PDE4B: variants seen among roughly 807,000 people sequenced by gnomAD.
PDE4B encodes phosphodiesterase 4B.
PDE4B carries 20 observed loss-of-function variants against 82.2 expected under a neutral mutation model. The ratio of observed to expected loss-of-function variants is 0.24; its 90% confidence interval spans 0.17 to 0.35. The LOEUF is 0.35. Among genes scored for constraint, PDE4B ranks in the 10% least tolerant of loss-of-function variants. PDE4B has a pLI of 1.00. For synonymous variants in PDE4B, 320 were observed against 318.9 expected (o/e 1.00, Z -0.04); for missense variants, 655 against 907.2 (o/e 0.72, Z 3.57).
intron 3 of PDE4B, among the ~76,000 whole-genome samples, chr1:66,111,796 A>G (rs2101053205): frequency 6.6e-6 from 1 of 152,160 alleles, no homozygotes; most frequent in South Asian, 2.1e-4. Flanking sequence ...GTTGATTAGG[A>G]GTCATACTTC....
At chr1:65,875,274 T>C (rs1225893216) in intron 1 of PDE4B, among the ~76,000 whole-genome samples, 6 of 150,142 alleles carry the variant, frequency 4.0e-5, no homozygotes, top group Non-Finnish European at 7.5e-5. Flanking sequence ...CCAGTTAGAA[T>C]GGCAATCATT....
intron 3 of PDE4B, among the ~76,000 whole-genome samples, chr1:66,154,670 C>T (rs1005095470): frequency 1.3e-5 from 2 of 152,222 alleles, no homozygotes; most frequent in Non-Finnish European, 2.9e-5. Context: ...GGTGGCTACA[C>T]ATGCTCCAAT....
intron 1 of PDE4B, among the ~76,000 whole-genome samples, chr1:65,904,092 GT>G (rs1468188333): frequency 6.6e-6 from 1 of 152,148 alleles, no homozygotes; most frequent in Non-Finnish European, 1.5e-5. Flanking sequence ...TGTTGTTTCA[GT>G]GGTCTTCCCA....
intron 3 of PDE4B, among the ~76,000 whole-genome samples, chr1:66,004,859 T>A (rs572201585): frequency 6.1e-4 from 93 of 152,152 alleles, no homozygotes; most frequent in Admixed American, 2.8e-3. Flanking sequence ...ATTTATTTTT[T>A]GAGTGGAGAA....
chr1:65,820,848 C>G (rs1645944049), intron 1 of PDE4B, among the ~76,000 whole-genome samples: 1 of 152,162 alleles, frequency 6.6e-6, no homozygotes, highest in Non-Finnish European at 1.5e-5. Context: ...CACTTTCACT[C>G]CTAGGAAAGA....
intron 9 of PDE4B, among the ~76,000 whole-genome samples, chr1:66,359,722 G>C (rs1662597699): frequency 6.6e-6 from 1 of 152,184 alleles, no homozygotes; most frequent in Non-Finnish European, 1.5e-5. Flanking sequence ...AAGAATGGTG[G>C]TAAAAAGGCA....
At chr1:65,971,179 T>C (rs1010197963) in intron 3 of PDE4B, among the ~76,000 whole-genome samples, 5 of 151,864 alleles carry the variant, frequency 3.3e-5, no homozygotes, top group Non-Finnish European at 5.9e-5. Flanking sequence ...AAAACTTACA[T>C]CTTGGCTTCA....
At chr1:65,883,336 C>A (rs2100350159) in intron 1 of PDE4B, among the ~76,000 whole-genome samples, 1 of 152,224 alleles carries the variant, frequency 6.6e-6, no homozygotes, top group South Asian at 2.1e-4. Flanking sequence ...TTTCGCTGAG[C>A]AGTGGTTTAT....
intron 1 of PDE4B, among the ~76,000 whole-genome samples, chr1:65,826,175 G>A (rs1646015498): frequency 2.0e-5 from 3 of 152,132 alleles, no homozygotes; most frequent in Non-Finnish European, 4.4e-5. Context: ...GGAACTAGGT[G>A]TATCCATAAA....
intron 3 of PDE4B, among the ~76,000 whole-genome samples, chr1:65,954,781 T>C (rs1649174900): frequency 6.6e-6 from 1 of 152,164 alleles, no homozygotes; most frequent in Admixed American, 6.6e-5. Context: ...TCTCATTTGT[T>C]TGTGCATGAA....
intron 3 of PDE4B, among the ~76,000 whole-genome samples, chr1:66,057,597 C>A (rs997948484): frequency 1.3e-5 from 2 of 152,112 alleles, no homozygotes; most frequent in African/African-American, 2.4e-5. Flanking sequence ...TTCACAATCA[C>A]TGGGGGAAGG....
chr1:65,899,831 G>A (rs1259393404), intron 1 of PDE4B, among the ~76,000 whole-genome samples: 1 of 151,864 alleles, frequency 6.6e-6, no homozygotes. Context: ...GCTAAGCTAT[G>A]AGGATGCAAA....
chr1:65,916,508 G>C (rs933186031), intron 2 of PDE4B, among the ~76,000 whole-genome samples: 1 of 152,054 alleles, frequency 6.6e-6, no homozygotes, highest in African/African-American at 2.4e-5. Flanking sequence ...CTTTGGTAAG[G>C]TGTGTCTTAC....
Position 65,918,745 on chromosome 1 carries a change from G to A in PDE4B, c.191G>A (p.Arg64Lys), listed in dbSNP as rs1467488805. 6.2e-7 allele frequency: 1 copy of A among 1,613,800 alleles called. No individual in the cohort carries two copies. Among genetic ancestry groups the A allele is most frequent in the East Asian group, 2.2e-5 (1 of 44,886 alleles). Residue 64 changes from arginine to lysine, a missense_variant, in exon 3 of 17, where the codon AGG (arginine) becomes AAG (lysine). Physicochemically the swap from Arg to Lys is conservative, Grantham distance 26. This residue lies in a region of PDE4B where 253 missense variants were observed against 275.6 expected (regional missense o/e 0.92). Transcript: ENST00000341517. ...PLSQRQSERA[R>K]TPEGDGISRP... ...TCTCAAAGACAGAGTGAAAGGGCAA[G>A]GACTCCTGAGGGAGATGGTATTTCC...
At chr1:66,125,413 C>T (rs1478297709) in intron 3 of PDE4B, among the ~76,000 whole-genome samples, 4 of 152,204 alleles carry the variant, frequency 2.6e-5, no homozygotes, top group African/African-American at 7.2e-5. Flanking sequence ...CCACCTGTCT[C>T]GGCCTTCCAA....
At chr1:65,894,006 A>AG (rs1035249904) in intron 1 of PDE4B, among the ~76,000 whole-genome samples, 2 of 152,040 alleles carry the variant, frequency 1.3e-5, no homozygotes, top group Admixed American at 6.6e-5. Flanking sequence ...GAAGTTTGGG[A>AG]GGGGGGTACC....
intron 7 of PDE4B, among the ~76,000 whole-genome samples, chr1:66,320,364 G>C (rs1659311897): frequency 1.3e-5 from 2 of 152,166 alleles, no homozygotes; most frequent in Non-Finnish European, 2.9e-5. Flanking sequence ...TTTTGCAGAA[G>C]TGCTATTGAG....
rs1223523812 is a variant in PDE4B, at chr1:66,332,632, T to TC, written c.747+13dup. The TC allele has an allele frequency of 1.2e-6, 2 of 1,611,596 alleles. No individual in the cohort carries two copies. Among genetic ancestry groups the TC allele is most frequent in the Non-Finnish European group, 1.7e-6 (2 of 1,178,354 alleles). On this transcript the variant is annotated intron_variant, in intron 8 of 16. Coordinates refer to ENST00000341517, the MANE Select transcript of PDE4B (RefSeq NM_002600.4). ...TGGCTTCTAACAAGGTAAGAGATGA[T>TC]CTTTTTATTCATTAAAGTGTGATCA...
intron 3 of PDE4B, among the ~76,000 whole-genome samples, chr1:66,072,538 C>G (rs1370502724): frequency 6.6e-6 from 1 of 152,134 alleles, no homozygotes; most frequent in Non-Finnish European, 1.5e-5. Flanking sequence ...CTCCAGACTA[C>G]TAACAAGCTG....
Sources: gnomAD v4.1 joint callset for allele counts (sites outside exome capture counted in the v4.1 genomes callset) on GRCh38, gnomAD v4.1.1 for gene constraint, gnomAD v4.1.1 regional missense constraint, MANE v1.5 for transcripts, NCBI Gene and HGNC (gene_info 2026-07-23, HGNC 2026-07-21) for gene names.